KAT6B: variants seen among roughly 807,000 people sequenced by gnomAD.
KAT6B encodes the protein histone acetyltransferase KAT6B.
A neutral mutation model predicts 187.5 loss-of-function variants in KAT6B; 10 were observed. That is an observed-to-expected ratio of 0.05 (90% confidence interval 0.03 to 0.09). The LOEUF is 0.09. Ranked by LOEUF, KAT6B falls within the 10% of genes least tolerant of loss-of-function variation. KAT6B has a pLI of 1.00. For synonymous variants in KAT6B, 861 were observed against 926.8 expected, an observed-to-expected ratio of 0.93 and a Z score of 1.29; for missense variants, 1,952 against 2,558.9, an observed-to-expected ratio of 0.76 and a Z score of 5.12.
intron 3 of KAT6B, among the ~76,000 whole-genome samples, chr10:74,927,914 T>C (rs550654487): frequency 6.6e-6 from 1 of 152,172 alleles, no homozygotes; most frequent in Non-Finnish European, 1.5e-5. Context: ...CACAGGCTTA[T>C]GTAAGCCAAA....
intron 2 of KAT6B, among the ~76,000 whole-genome samples, chr10:74,841,861 C>G (rs2132062466): frequency 6.6e-6 from 1 of 152,306 alleles, no homozygotes; most frequent in African/African-American, 2.4e-5. Context: ...GATTGGAGAT[C>G]TAGGGTGGTT....
At chr10:74,904,546 T>G (rs1775619836) in intron 3 of KAT6B, among the ~76,000 whole-genome samples, 1 of 152,270 alleles carries the variant, frequency 6.6e-6, no homozygotes, top group South Asian at 2.1e-4. Flanking sequence ...TAGGGAGAGA[T>G]TGTACAGGGG....
intron 4 of KAT6B, among the ~76,000 whole-genome samples, chr10:74,962,832 C>T (rs1202434701): frequency 6.6e-6 from 1 of 151,464 alleles, no homozygotes; most frequent in Non-Finnish European, 1.5e-5. Flanking sequence ...GCAGTATTTT[C>T]TTTAACAGTT....
chr10:74,940,368 T>G (rs1849580692), intron 3 of KAT6B, among the ~76,000 whole-genome samples: 1 of 150,968 alleles, frequency 6.6e-6, no homozygotes, highest in Non-Finnish European at 1.5e-5. Context: ...CTCCACCTCC[T>G]GGGTTCAAGT....
chr10:74,969,899 G>T (rs1841738615), intron 5 of KAT6B, 121 bp from the exon 6 acceptor site: 3 of 988,540 alleles, frequency 3.0e-6, no homozygotes, highest in Non-Finnish European at 4.8e-6. Context: ...ATGTCAAACT[G>T]CAACCAGGAT....
chr10:74,876,836 C>T (rs1466514156), intron 3 of KAT6B, among the ~76,000 whole-genome samples: 2 of 151,900 alleles, frequency 1.3e-5, no homozygotes, highest in African/African-American at 4.8e-5. Context: ...TCGCTTGAAC[C>T]TGGGAGACTG....
At position 75,003,164 on chromosome 10, in the gene KAT6B, C is replaced by G. The variant is rs527533107; in HGVS notation, c.2629+14052C>G. ...CAGTTGCATCAGAAAGAAGATGTCA[C>G]TGCCTGCTCTAAACCTTGGGCGGAG... On this transcript the variant is annotated intron_variant, in intron 13 of 17. Coordinates refer to ENST00000287239, the MANE Select transcript of KAT6B (RefSeq NM_012330.4). 8 of 152,376 alleles carry G rather than the reference C, an allele frequency of 5.3e-5. No individual in the cohort carries two copies. The South Asian group carries it at 8.3e-4, about 16-fold the overall frequency. The allele number at this position is 152,376 out of a possible 1,614,324, so 9.4% of individuals were successfully genotyped here. A position where few individuals can be genotyped will look rare whatever the true frequency, so the allele number is the denominator to read the frequency against.
Position 75,029,336 on chromosome 10 carries a change from G to A in KAT6B, c.4512G>A (p.Glu1504=), listed in dbSNP as rs749755645. Residue 1504 remains glutamate, a synonymous_variant, in exon 18 of 18, where the codon GAG becomes GAA. Transcript: ENST00000287239. This position sits in a 1 kb window ranked among gnomAD's most constrained non-coding sequence, Gnocchi z 6.2. The part of the protein sequence containing the change: ...GDPEAVPESD[E]EPPPGEQAQK... ...CTGAAGCTGTACCCGAATCTGACGA[G>A]GAGCCACCCCCAGGAGAACAGGCAC... The A allele has an allele frequency of 6.2e-7, 1 of 1,614,090 alleles. No homozygotes were observed.
chr10:74,868,166 A>G (rs545842839), intron 3 of KAT6B, among the ~76,000 whole-genome samples: 1 of 152,344 alleles, frequency 6.6e-6, no homozygotes, highest in South Asian at 2.1e-4. Flanking sequence ...TGCATGCTTA[A>G]TAACATCATC....
Position 74,975,761 on chromosome 10 carries a change from C to T in KAT6B, c.1424C>T (p.Thr475Ile), listed in dbSNP as rs201533955. Residue 475 changes from threonine (T) to isoleucine (I), a missense_variant, in exon 8 of 18, where the codon ACT becomes ATT. Around this residue, in one of 9 missense-constraint regions of KAT6B, gnomAD observed 417 missense variants for 508.9 expected, o/e 0.82. Transcript: ENST00000287239. ...AAGGTCTCTCAGAAACAGTCATGCACTTCTCATGTGTTGGCTACAGGTACC... is the reference window on the plus strand; with the variant it reads ...AAGGTCTCTCAGAAACAGTCATGCATTTCTCATGTGTTGGCTACAGGTACC... ...RKKVSQKQSCTSHVLATGTTQ... is the reference protein window; with the variant it reads ...RKKVSQKQSCISHVLATGTTQ... The T allele has an allele frequency of 1.2e-6, 2 of 1,614,204 alleles. No homozygotes were observed. The highest frequency in any genetic ancestry group is 1.3e-5 in the African/African-American group (1 of 75,028).
At chr10:74,956,643 C>T (rs752305141) in intron 3 of KAT6B, among the ~76,000 whole-genome samples, 1 of 152,188 alleles carries the variant, frequency 6.6e-6, no homozygotes, top group Non-Finnish European at 1.5e-5. Flanking sequence ...ACACCTGAAC[C>T]TATGCAACCT....
At chr10:74,997,791 G>T (rs1408670675) in intron 13 of KAT6B, among the ~76,000 whole-genome samples, 3 of 146,792 alleles carry the variant, frequency 2.0e-5, no homozygotes, top group South Asian at 2.2e-4. Flanking sequence ...ACATCTAATG[G>T]TTTTTTTTTT....
At chr10:74,954,035 T>A (rs1332833154) in intron 3 of KAT6B, among the ~76,000 whole-genome samples, 2 of 152,144 alleles carry the variant, frequency 1.3e-5, no homozygotes, top group African/African-American at 4.8e-5. Flanking sequence ...ACTGGGAAAG[T>A]CCTTAGAGAT....
upstream of KAT6B, among the ~76,000 whole-genome samples, chr10:74,825,845 GGGCT>G (rs1325866824): frequency 1.3e-5 from 2 of 151,812 alleles, no homozygotes; most frequent in African/African-American, 4.8e-5. The surrounding 1 kb of genome is among the most constrained non-coding windows in gnomAD (Gnocchi z 5.0). Context: ...ACCCGGCCTG[GGGCT>G]GGCAGGGTAG....
chr10:74,961,315 G>T (rs114024376), intron 4 of KAT6B, among the ~76,000 whole-genome samples: 1 of 152,234 alleles, frequency 6.6e-6, no homozygotes, highest in African/African-American at 2.4e-5. Flanking sequence ...TTCTCACGAG[G>T]CTCATTCTGA....
intron 3 of KAT6B, among the ~76,000 whole-genome samples, chr10:74,906,634 A>G (rs1476531315): frequency 6.6e-6 from 1 of 152,172 alleles, no homozygotes; most frequent in Admixed American, 6.5e-5. Context: ...CTACTTTGAA[A>G]TCACCACTTT....
rs551577085 is a variant in KAT6B at position 75,029,951 on chromosome 10, C to T, written c.5127C>T (p.Leu1709=). ...SSQNSCSYSN[L]TSSSLTQSSC... is the part of the protein sequence containing the mutation. ...AGAACAGCTGCTCCTATAGCAACCT[C>T]ACCTCCAGCAGTCTGACACAGAGCA... The change falls in exon 18 of 18, where the codon CTC becomes CTT. Residue 1709 remains leucine, a synonymous_variant. Coordinates refer to ENST00000287239, the MANE Select transcript of KAT6B (RefSeq NM_012330.4). This position sits in a 1 kb window ranked among gnomAD's most constrained non-coding sequence, Gnocchi z 6.2. 2 of 1,614,216 alleles carry T rather than the reference C, an allele frequency of 1.2e-6. No homozygotes were observed. The highest frequency in any genetic ancestry group is 2.2e-5 in the East Asian group (1 of 44,888).
intron 17 of KAT6B, chr10:75,025,565 A>G (rs1845758746): frequency 9.8e-6 from 3 of 305,154 alleles, no homozygotes; most frequent in South Asian, 4.4e-5. Context: ...TGATTCTAAT[A>G]TGTACTTTTT....
intron 3 of KAT6B, among the ~76,000 whole-genome samples, chr10:74,876,464 A>G (rs1844422897): frequency 2.0e-5 from 3 of 152,190 alleles, no homozygotes; most frequent in African/African-American, 4.8e-5. Flanking sequence ...TTTTATTTTG[A>G]GAAGTTACTG....
Sources: allele counts gnomAD v4.1 joint callset (sites outside exome capture counted in the v4.1 genomes callset), GRCh38; gene constraint gnomAD v4.1.1; regional missense constraint gnomAD v4.1.1; non-coding constraint Gnocchi (gnomAD v3.1); transcripts MANE v1.5; gene names NCBI Gene and HGNC (gene_info 2026-07-23, HGNC 2026-07-21).